LCA5L: variants seen among roughly 807,000 people sequenced by gnomAD.
The protein encoded by LCA5L is lebercilin LCA5 like.
LCA5L carries 35 observed loss-of-function variants against 45.4 expected under a neutral mutation model. The ratio of observed to expected loss-of-function variants is 0.77; its 90% CI spans 0.59 to 1.02. The LOEUF (loss-of-function observed/expected upper bound fraction) is 1.02, where lower values mean the gene tolerates loss of function less well. Among genes scored for constraint, LCA5L ranks in the 50% least tolerant of loss-of-function variants. LCA5L has a pLI of 0.00. For synonymous variants in LCA5L, 233 were observed against 264.7 expected (o/e 0.88, Z 1.16); for missense variants, 668 against 761.6 (o/e 0.88, Z 1.45).
chr21:39,445,240 T>C (rs1370119653), intron 1 of LCA5L, among the ~76,000 whole-genome samples: 1 of 151,838 alleles, frequency 6.6e-6, no homozygotes, highest in Non-Finnish European at 1.5e-5. Context: ...TTTCAAAAGA[T>C]TTAGATTCCT....
intron 3 of LCA5L, among the ~76,000 whole-genome samples, chr21:39,434,756 A>C (rs1278205691): frequency 6.6e-6 from 1 of 152,084 alleles, no homozygotes; most frequent in African/African-American, 2.4e-5. Context: ...AGGCTCAAGC[A>C]ATCCTCCCAT....
chr21:39,437,379 GGAAAT>G (rs1224245545), intron 2 of LCA5L, among the ~76,000 whole-genome samples: 4 of 152,070 alleles, frequency 2.6e-5, no homozygotes, highest in Non-Finnish European at 4.4e-5. Flanking sequence ...GTTATTATGT[GGAAAT>G]GAAATGAAAT....
chr21:39,408,979 T>C (rs2039592514), intron 10 of LCA5L, among the ~76,000 whole-genome samples: 1 of 152,242 alleles, frequency 6.6e-6, no homozygotes, highest in Admixed American at 6.5e-5. Context: ...AGGATACTAT[T>C]ATGAAATGAA....
Position 39,433,695 on chromosome 21 carries a change from C to G in LCA5L, c.-92+1725G>C, listed in dbSNP as rs183397776. ...ATTCATATGTTGATCTATTTCTGTG[C>G]TCTCTATACTGTTCTACTGATCTGT... On this transcript the variant is annotated intron_variant, in intron 3 of 10. Coordinates refer to ENST00000288350, the MANE Select transcript of LCA5L (RefSeq NM_152505.4). Among the ~76,000 whole-genome samples the G allele has an allele frequency of 2.6e-4, 40 of 151,830 alleles. 1 individual carries two copies. The highest frequency in any genetic ancestry group is 2.5e-3 in the Admixed American group (38 of 15,250).
At chr21:39,414,496 T>G (rs1234898967) in intron 7 of LCA5L, among the ~76,000 whole-genome samples, 9 of 152,132 alleles carry the variant, frequency 5.9e-5, no homozygotes, top group African/African-American at 2.2e-4. Context: ...AACTATGACT[T>G]TCGTTAATGT....
rs963048670 is a variant in LCA5L at position 39,406,572 on chromosome 21, C to T, written c.1323G>A (p.Leu441=). 1 of 1,603,060 alleles carries T rather than the reference C, an allele frequency of 6.2e-7. No individual in the cohort carries two copies. Among genetic ancestry groups the T allele is most frequent in the African/African-American group, 1.4e-5 (1 of 73,984 alleles). ...CTTTTTGTCTTCCAGTATTCTCCAGCAGTATTTGGACTTCCAAATGTTTCT... is the reference window on the plus strand; with the variant it reads ...CTTTTTGTCTTCCAGTATTCTCCAGTAGTATTTGGACTTCCAAATGTTTCT... ...GEEKHLEVQI[L]LENTGRQKDK... Residue 441 remains leucine (L), a synonymous_variant, in exon 11 of 11, where the codon CTG becomes CTA. Transcript: ENST00000288350.
At chr21:39,412,056 T>C (rs2040178250) in intron 7 of LCA5L, among the ~76,000 whole-genome samples, 1 of 152,248 alleles carries the variant, frequency 6.6e-6, no homozygotes, top group African/African-American at 2.4e-5. Context: ...TCCACTGTTT[T>C]CCTTCTGTCC....
chr21:39,419,846 A>C (rs971983094), intron 7 of LCA5L, among the ~76,000 whole-genome samples: 2 of 152,214 alleles, frequency 1.3e-5, no homozygotes, highest in African/African-American at 4.8e-5. Flanking sequence ...ACATTTTACC[A>C]ATCTTGAAGG....
In LCA5L at chr21:39,420,868, A is replaced by G. The variant is rs374378384; in HGVS notation, c.838-25T>C. 1.0e-5 allele frequency: 16 copies of G among 1,566,042 alleles called. No individual in the cohort carries two copies. In the African/African-American group the frequency reaches 1.6e-4, roughly 16 times the overall value. On this transcript the variant is annotated intron_variant, in intron 6 of 10. Transcript: ENST00000288350. The stretch of plus-strand genomic sequence containing the variant: ...TCTGAAAACAGTATATATTATAACT[A>G]TTCTGCAACCAAGTTAGTATGTTAA...
intron 7 of LCA5L, among the ~76,000 whole-genome samples, chr21:39,412,678 A>T (rs938596286): frequency 1.3e-5 from 2 of 152,066 alleles, no homozygotes; most frequent in Non-Finnish European, 2.9e-5. Flanking sequence ...GGTCAAATCT[A>T]TGGGCCAAGG....
At chr21:39,423,611 T>C in intron 5 of LCA5L, 121 bp from the exon 6 acceptor site, 1 of 780,354 alleles carries the variant, frequency 1.3e-6, no homozygotes, top group East Asian at 2.7e-5. Context: ...CACACAAGCG[T>C]AAGTGTAACT....
At position 39,420,856 on chromosome 21, in the gene LCA5L, T is replaced by C. The variant is rs145063584; in HGVS notation, c.838-13A>G. On this transcript the variant is annotated splice_polypyrimidine_tract_variant and intron_variant, in intron 6 of 10. Transcript: ENST00000288350. ...GTTTTTCCAAGCTCTGAAAACAGTA[T>C]ATATTATAACTATTCTGCAACCAAG... 2.9e-4 allele frequency: 465 copies of C among 1,602,154 alleles called. 1 individual carries two copies. The African/African-American group carries it at 5.6e-3, about 19-fold the overall frequency.
intron 2 of LCA5L, among the ~76,000 whole-genome samples, chr21:39,442,572 C>T (rs1035517904): frequency 6.6e-6 from 1 of 151,986 alleles, no homozygotes; most frequent in African/African-American, 2.4e-5. Context: ...TGGGTGTCCA[C>T]GACAATGAAG....
intron 5 of LCA5L, among the ~76,000 whole-genome samples, chr21:39,427,207 C>A (rs1228871821): frequency 6.6e-6 from 1 of 152,112 alleles, no homozygotes; most frequent in African/African-American, 2.4e-5. Flanking sequence ...TGGACAAGAG[C>A]CCCAGCTGTT....
At chr21:39,419,168 TCTC>T (rs1280155100) in intron 7 of LCA5L, among the ~76,000 whole-genome samples, 9 of 152,022 alleles carry the variant, frequency 5.9e-5, no homozygotes, top group African/African-American at 1.9e-4. Context: ...CCACTATTCT[TCTC>T]CTGTCTCTGA....
chr21:39,414,734 C>CTGTGTGTGTGTGTGTGTGTGTGTG (rs1446676855), intron 7 of LCA5L, among the ~76,000 whole-genome samples: 3 of 103,152 alleles, frequency 2.9e-5, no homozygotes, highest in African/African-American at 1.2e-4. Context: ...CTCTCTCTCT[C>CTGTGTGTGTGTGTGTGTGTGTGTG]TCTCTCTCTG....
Position 39,423,345 on chromosome 21 carries a change from A to C in LCA5L, c.468T>G (p.Asn156Lys). The C allele has an allele frequency of 6.2e-7, 1 of 1,612,940 alleles. No individual in the cohort carries two copies. The highest frequency in any genetic ancestry group is 8.5e-7 in the Non-Finnish European group (1 of 1,179,844). ...ATTTATGATGCATATCAGCTAATTC[A>C]TTTTTTAGTCCTTTAATTTTATGAA... ...ARLHKIKGLK[N>K]ELADMHHKLE... Residue 156 changes from asparagine to lysine, a missense_variant, in exon 6 of 11, where the codon AAT (asparagine) becomes AAG (lysine). Coordinates refer to ENST00000288350, the MANE Select transcript of LCA5L (RefSeq NM_152505.4).
chr21:39,409,119 G>A lies in LCA5L; in HGVS notation c.1282+860C>T, dbSNP rs746037577. On this transcript the variant is annotated intron_variant, in intron 10 of 10. Coordinates refer to ENST00000288350, the MANE Select transcript of LCA5L (RefSeq NM_152505.4). The surrounding 1 kb of genome is among the most constrained non-coding windows in gnomAD (Gnocchi z 4.2). Reference sequence around the variant, plus strand: ...ATCACAAGGTTGGGGCCTTCATGACGGAATTAGTGTCCTTATAAAAAGAAA... The same window carrying A: ...ATCACAAGGTTGGGGCCTTCATGACAGAATTAGTGTCCTTATAAAAAGAAA... 6.4e-4 allele frequency among the ~76,000 whole-genome samples: 97 copies of A among 152,100 alleles called. No homozygotes were observed. Among genetic ancestry groups the A allele is most frequent in the Non-Finnish European group, 2.2e-4 (15 of 68,016 alleles).
At chr21:39,407,615 A>G (rs1262266069) in intron 10 of LCA5L, among the ~76,000 whole-genome samples, 1 of 152,202 alleles carries the variant, frequency 6.6e-6, no homozygotes, top group East Asian at 1.9e-4. Context: ...CAGTTATTAT[A>G]GACAATGAGC....
Sources: allele counts gnomAD v4.1 joint callset (sites outside exome capture counted in the v4.1 genomes callset), GRCh38; gene constraint gnomAD v4.1.1; non-coding constraint Gnocchi (gnomAD v3.1); transcripts MANE v1.5; gene names NCBI Gene and HGNC (gene_info 2026-07-23, HGNC 2026-07-21).